Variants in ERGIC1 observed in about 807,000 individuals in gnomAD.
ERGIC1 encodes endoplasmic reticulum-golgi intermediate compartment 1, also known as endoplasmic reticulum-Golgi intermediate compartment protein 1.
In ERGIC1, 19 loss-of-function variants were observed where a neutral mutation model predicts 38.3. That is an observed-to-expected ratio of 0.50 (90% CI 0.35 to 0.73). ERGIC1 has a LOEUF of 0.73. Ranked by LOEUF, ERGIC1 falls within the 30% of genes least tolerant of loss-of-function variation. ERGIC1 has a pLI of 0.01. For synonymous variants in ERGIC1, 124 were observed against 157.6 expected (o/e 0.79, Z 1.60); for missense variants, 294 against 389.2 (o/e 0.76, Z 2.06).
intron 6 of ERGIC1, among the ~76,000 whole-genome samples, chr5:172,925,689 C>T (rs1362686092): frequency 6.6e-6 from 1 of 152,184 alleles, no homozygotes; most frequent in Non-Finnish European, 1.5e-5. Flanking sequence ...TTTGTACATG[C>T]TGCTTGCCAG....
At chr5:172,927,418 G>GT (rs1381818172) in intron 7 of ERGIC1, among the ~76,000 whole-genome samples, 1 of 152,096 alleles carries the variant, frequency 6.6e-6, no homozygotes, top group African/African-American at 2.4e-5. Context: ...CTGTGTCCCT[G>GT]TGAGTCCTTG....
In ERGIC1 at chr5:172,914,733, G is replaced by A; in HGVS notation, c.270G>A (p.Gln90=). The A allele has an allele frequency of 1.9e-6, 3 of 1,614,160 alleles. No individual in the cohort carries two copies. The highest frequency in any genetic ancestry group is 2.5e-6 in the Non-Finnish European group (3 of 1,180,042). The change falls in exon 5 of 10, where the codon CAG becomes CAA. Residue 90 remains glutamine (Q), a synonymous_variant. Coordinates refer to ENST00000393784, the MANE Select transcript of ERGIC1 (RefSeq NM_001031711.3). ...LHCELVGLDI[Q]DEMGRHEVGH... is the part of the protein sequence containing the mutation. ...CTGCAGTGGTTGGGCTTGACATTCA[G>A]GATGAGATGGGCAGGCACGAAGTGG...
Position 172,897,030 on chromosome 5 carries a change from C to G in ERGIC1, c.111C>G (p.Leu37=). Residue 37 remains leucine (L), a synonymous_variant, in exon 3 of 10, where the codon CTC becomes CTG. Coordinates refer to ENST00000393784, the MANE Select transcript of ERGIC1 (RefSeq NM_001031711.3). The part of the protein sequence containing the change: ...IISICCCLFI[L]FLFLSELTGF... Reference sequence around the variant, plus strand: ...CCATCTGCTGCTGCCTCTTCATCCTCTTCCTCTTCCTCTCGGAGCTCACCG... The same window carrying G: ...CCATCTGCTGCTGCCTCTTCATCCTGTTCCTCTTCCTCTCGGAGCTCACCG... The G allele has an allele frequency of 1.9e-6, 3 of 1,614,112 alleles. No individual in the cohort carries two copies. Among genetic ancestry groups the G allele is most frequent in the Non-Finnish European group, 2.5e-6 (3 of 1,179,952 alleles).
At chr5:172,890,470 A>G (rs767803468) in intron 2 of ERGIC1, among the ~76,000 whole-genome samples, 27 of 152,266 alleles carry the variant, frequency 1.8e-4, no homozygotes, top group South Asian at 4.1e-4. Flanking sequence ...CTAATGTTCA[A>G]TTCTTCATTT....
chr5:172,934,254 A>G (rs528010), intron 8 of ERGIC1: 10,918 of 152,470 alleles, frequency 0.072, 773 homozygotes, highest in African/African-American at 0.18. Context: ...CCAGTGGTTC[A>G]ATTTGGCCTC....
intron 3 of ERGIC1, among the ~76,000 whole-genome samples, chr5:172,908,337 G>GGT (rs1355566017): frequency 3.1e-5 from 1 of 32,132 alleles, no homozygotes; most frequent in Non-Finnish European, 6.5e-5. Flanking sequence ...GAGGGGGGGA[G>GGT]GGGGGAGGGG....
intron 1 of ERGIC1, among the ~76,000 whole-genome samples, chr5:172,844,670 C>G (rs1761241228): frequency 6.6e-6 from 1 of 152,180 alleles, no homozygotes; most frequent in African/African-American, 2.4e-5. Flanking sequence ...TAAGCCCCCT[C>G]CCACCCGGGG....
chr5:172,893,036 G>A (rs1762608019), intron 2 of ERGIC1, among the ~76,000 whole-genome samples: 1 of 152,206 alleles, frequency 6.6e-6, no homozygotes, highest in Non-Finnish European at 1.5e-5. Context: ...TGGTGCTCTG[G>A]TGTGGATAGA....
Position 172,894,588 on chromosome 5 carries a change from C to G in ERGIC1, c.83-2414C>G, listed in dbSNP as rs186186372. Among the ~76,000 whole-genome samples, 330 of 152,318 alleles carry G rather than the reference C, an allele frequency of 2.2e-3. 1 individual carries two copies. The highest frequency in any genetic ancestry group is 3.6e-3 in the Non-Finnish European group (245 of 68,030). ...GACTCAGTGAGCAGTCTGGGGACAT[C>G]CTGCCCTTCACTCGGAGCCTAAGTT... On this transcript the variant is annotated intron_variant, in intron 2 of 9. Transcript: ENST00000393784.
intron 1 of ERGIC1, among the ~76,000 whole-genome samples, chr5:172,868,667 C>G (rs1362676505): frequency 6.6e-6 from 1 of 152,122 alleles, no homozygotes; most frequent in Non-Finnish European, 1.5e-5. Context: ...ATGTACAACA[C>G]CAAGAGTGAC....
rs185079152 is a variant in ERGIC1 at position 172,907,706 on chromosome 5, C to G, written c.156-1961C>G. Among the ~76,000 whole-genome samples, 11 of 152,300 alleles carry G rather than the reference C, an allele frequency of 7.2e-5. No homozygotes were observed. The East Asian group carries it at 2.1e-3, about 29-fold the overall frequency. On this transcript the variant is annotated intron_variant, in intron 3 of 9. Coordinates refer to ENST00000393784, the MANE Select transcript of ERGIC1 (RefSeq NM_001031711.3). ...TGATGCCTACGCATCCCCCAGACCT[C>G]AATCACACCTCAGAGAGGTCTTCCC...
intron 1 of ERGIC1, among the ~76,000 whole-genome samples, chr5:172,853,079 A>T (rs1180209608): frequency 6.7e-6 from 1 of 149,440 alleles, no homozygotes; most frequent in Non-Finnish European, 1.5e-5. Flanking sequence ...ATGTGTAGAT[A>T]TGAGTGTGCA....
Position 172,837,317 on chromosome 5 carries a change from C to T in ERGIC1, c.20+2884C>T, listed in dbSNP as rs1188828974. Among the ~76,000 whole-genome samples, 3 of 152,084 alleles carry T rather than the reference C, an allele frequency of 2.0e-5. No individual in the cohort carries two copies. The highest frequency in any genetic ancestry group is 4.4e-5 in the Non-Finnish European group (3 of 68,010). ...AGAACAGTTGAGGGATGAGGCAGTG[C>T]GGAAAGCATTTAGACACAGAGTAAG... On this transcript the variant is annotated intron_variant, in intron 1 of 9. Coordinates refer to ENST00000393784, the MANE Select transcript of ERGIC1 (RefSeq NM_001031711.3). The surrounding 1 kb of genome is among the most constrained non-coding windows in gnomAD (Gnocchi z 4.3).
chr5:172,917,581 A>G (rs1231880164), intron 5 of ERGIC1: 1 of 152,140 alleles, frequency 6.6e-6, no homozygotes, highest in Non-Finnish European at 1.5e-5. Flanking sequence ...AAGATTACCT[A>G]CGGAGAGGCT....
chr5:172,857,318 C>T (rs758065515), intron 1 of ERGIC1, among the ~76,000 whole-genome samples: 7 of 152,106 alleles, frequency 4.6e-5, no homozygotes, highest in East Asian at 1.9e-4. Flanking sequence ...TGGAATGGTT[C>T]GATTCATTGC....
Position 172,926,446 on chromosome 5 carries a change from C to G in ERGIC1, c.481-63C>G. On this transcript the variant is annotated intron_variant, in intron 6 of 9. Coordinates refer to ENST00000393784, the MANE Select transcript of ERGIC1 (RefSeq NM_001031711.3). The surrounding 1 kb of genome is among the most constrained non-coding windows in gnomAD (Gnocchi z 5.2). The stretch of plus-strand genomic sequence containing the variant: ...GGTGGTACCTGGCCATCCCCCACAA[C>G]CAGGGCCAGGCCTGGAGGTGGAGGT... The G allele has an allele frequency of 6.3e-7, 1 of 1,595,862 alleles. No individual in the cohort carries two copies. Among genetic ancestry groups the G allele is most frequent in the South Asian group, 1.1e-5 (1 of 90,714 alleles).
At chr5:172,932,697 G>T in intron 8 of ERGIC1, 161 bp downstream of exon 8, 1 of 660,076 alleles carries the variant, frequency 1.5e-6, no homozygotes, top group Admixed American at 2.7e-5. Flanking sequence ...GGGTAAAATT[G>T]AAAAGCCCAG....
At chr5:172,920,530 A>T in intron 5 of ERGIC1, 1 of 698,700 alleles carries the variant, frequency 1.4e-6, no homozygotes, top group South Asian at 1.5e-5. Flanking sequence ...TTTAAAATCC[A>T]TCAGAGACAC....
At chr5:172,885,637 G>A (rs1762398538) in intron 1 of ERGIC1, among the ~76,000 whole-genome samples, 1 of 152,154 alleles carries the variant, frequency 6.6e-6, no homozygotes, top group Non-Finnish European at 1.5e-5. Context: ...GCAAGGGCCA[G>A]GGATTTTCTG....
Sources: gnomAD v4.1 joint callset for allele counts (sites outside exome capture counted in the v4.1 genomes callset) on GRCh38, gnomAD v4.1.1 for gene constraint, Gnocchi (gnomAD v3.1) non-coding constraint, MANE v1.5 for transcripts, NCBI Gene and HGNC (gene_info 2026-07-23, HGNC 2026-07-21) for gene names.